The following DCC variants were observed in gnomAD, a reference collection of about 807,000 sequenced individuals.
The protein encoded by DCC is netrin receptor DCC.
Under a neutral mutation model 172.5 loss-of-function variants are expected in DCC, and 58 were observed. The ratio of observed to expected loss-of-function variants is 0.34; its 90% confidence interval spans 0.27 to 0.42. The LOEUF (loss-of-function observed/expected upper bound fraction) is 0.42. Ranked by LOEUF, DCC falls within the 10% of genes least tolerant of loss-of-function variation. DCC has a pLI of 1.00. For missense variants in DCC, 1,740 were observed against 1,791.0 expected (o/e 0.97, Z 0.51); for synonymous variants, 709 against 644.5 (o/e 1.10, Z -1.52).
chr18:52,715,276 AC>A (rs1276625707), intron 1 of DCC, among the ~76,000 whole-genome samples: 22 of 136,614 alleles, frequency 1.6e-4, no homozygotes, highest in Admixed American at 1.1e-3. Context: ...ATAAAAAAAA[AC>A]ACTACATTTT....
At chr18:52,673,105 G>C (rs2035583154) in intron 1 of DCC, among the ~76,000 whole-genome samples, 2 of 152,104 alleles carry the variant, frequency 1.3e-5, no homozygotes, top group African/African-American at 2.4e-5. Context: ...AGTGTATTTT[G>C]TATCTAGAGA....
chr18:53,317,899 G>T (rs1333360522), intron 13 of DCC, among the ~76,000 whole-genome samples: 2 of 151,730 alleles, frequency 1.3e-5, no homozygotes, highest in Non-Finnish European at 2.9e-5. Flanking sequence ...TCTGGCTAGT[G>T]GTCTATTTTG....
intron 7 of DCC, among the ~76,000 whole-genome samples, chr18:53,109,356 G>C (rs1221414794): frequency 6.6e-6 from 1 of 151,210 alleles, no homozygotes; most frequent in Non-Finnish European, 1.5e-5. Flanking sequence ...TATCTGGTAT[G>C]GTGATTCTTT....
At chr18:53,333,425 G>C (rs747118809) in intron 14 of DCC, among the ~76,000 whole-genome samples, 13 of 152,222 alleles carry the variant, frequency 8.5e-5, no homozygotes, top group Non-Finnish European at 1.9e-4. Context: ...GGACAAATGT[G>C]TGAATATTTG....
At chr18:52,751,274 T>C (rs73457792) in intron 1 of DCC, among the ~76,000 whole-genome samples, 16,433 of 152,222 alleles carry the variant, frequency 0.11, 2,955 homozygotes, top group African/African-American at 0.37. Context: ...TCAAATGCTA[T>C]ACTGCCAGCT....
At chr18:52,962,445 T>C (rs926971996) in intron 5 of DCC, among the ~76,000 whole-genome samples, 1 of 149,776 alleles carries the variant, frequency 6.7e-6, no homozygotes, top group Admixed American at 6.6e-5. Context: ...CATTAAAAAG[T>C]CAGGAAACAA....
chr18:53,252,901 T>A (rs2144661662), intron 12 of DCC, among the ~76,000 whole-genome samples: 1 of 152,134 alleles, frequency 6.6e-6, no homozygotes, highest in African/African-American at 2.4e-5. Flanking sequence ...GTAATTTTGC[T>A]TTAACAAAAT....
chr18:52,647,075 C>T (rs936252799), intron 1 of DCC, among the ~76,000 whole-genome samples: 1 of 152,160 alleles, frequency 6.6e-6, no homozygotes, highest in Non-Finnish European at 1.5e-5. Context: ...GGACAAAGCC[C>T]AAATACATGT....
chr18:53,239,727 G>T (rs567548914), intron 12 of DCC, among the ~76,000 whole-genome samples: 1 of 152,230 alleles, frequency 6.6e-6, no homozygotes, highest in African/African-American at 2.4e-5. Context: ...TCAGAGAATT[G>T]TGGGAAAAGA....
chr18:53,535,224 T>C lies in DCC; in HGVS notation c.*4571T>C, dbSNP rs2144652851. On this transcript the variant is annotated 3_prime_UTR_variant, in exon 29 of 29. Transcript: ENST00000442544. ...TTTATTATTTAGAGTGGCTTCTTTT[T>C]GGATAATTTATGATAAAAAGGGAGA... 1 of 152,312 alleles carries C rather than the reference T, an allele frequency of 6.6e-6. No homozygotes were observed. The highest frequency in any genetic ancestry group is 2.4e-5 in the African/African-American group (1 of 41,558). 9.4% of individuals were successfully genotyped at this position (152,312 alleles called of 1,614,324 possible).
intron 2 of DCC, among the ~76,000 whole-genome samples, chr18:52,877,087 A>G (rs1485234426): frequency 6.6e-6 from 1 of 152,146 alleles, no homozygotes; most frequent in African/African-American, 2.4e-5. Context: ...GATGACCTGT[A>G]TTTTATACTG....
intron 2 of DCC, among the ~76,000 whole-genome samples, chr18:52,890,900 A>G (rs2039639792): frequency 6.6e-6 from 1 of 152,112 alleles, no homozygotes. Context: ...AATTTAACAT[A>G]AATTCAGCTG....
chr18:52,365,956 C>T (rs182818184), intron 1 of DCC, among the ~76,000 whole-genome samples: 12 of 152,262 alleles, frequency 7.9e-5, no homozygotes, highest in East Asian at 7.7e-4. Flanking sequence ...AGGCTCTTAC[C>T]GCTTGATCAC....
chr18:53,450,612 G>T lies in DCC; in HGVS notation c.3342G>T (p.Val1114=). ...VTVGVITVLV[V]VIVAVICTRR... ...TTGGTGTCATCACAGTGCTGGTAGT[G>T]GTCATCGTGGCTGTGATTTGCACCC... Residue 1114 remains valine (V), a synonymous_variant, in exon 23 of 29, where the codon GTG becomes GTT. Coordinates refer to ENST00000442544, the MANE Select transcript of DCC (RefSeq NM_005215.4). 3 of 1,611,620 alleles carry T rather than the reference G, an allele frequency of 1.9e-6. No individual in the cohort carries two copies. Among genetic ancestry groups the T allele is most frequent in the Non-Finnish European group, 8.5e-7 (1 of 1,179,040 alleles).
intron 1 of DCC, among the ~76,000 whole-genome samples, chr18:52,368,938 AGTT>A (rs772746921): frequency 1.3e-4 from 20 of 152,310 alleles, no homozygotes; most frequent in South Asian, 4.2e-4. Flanking sequence ...TGCAAATCAA[AGTT>A]GTTGTTGATC....
chr18:53,404,246 G>A (rs1214120701), intron 19 of DCC, among the ~76,000 whole-genome samples: 2 of 131,824 alleles, frequency 1.5e-5, no homozygotes, highest in Non-Finnish European at 1.8e-5. Flanking sequence ...ATAAAAACAG[G>A]TTCTGATAGA....
intron 5 of DCC, among the ~76,000 whole-genome samples, chr18:53,050,627 A>G (rs1469460066): frequency 1.3e-5 from 2 of 152,078 alleles, no homozygotes; most frequent in African/African-American, 4.8e-5. Context: ...TTGATTTTGT[A>G]TCTTGAAACT....
chr18:53,302,242 G>A (rs1361855252), intron 12 of DCC, among the ~76,000 whole-genome samples: 1 of 151,838 alleles, frequency 6.6e-6, no homozygotes, highest in Non-Finnish European at 1.5e-5. Context: ...TATGACTCTT[G>A]GTGGTCAAAA....
intron 7 of DCC, among the ~76,000 whole-genome samples, chr18:53,123,645 TAG>T (rs920476629): frequency 5.6e-4 from 86 of 152,216 alleles, no homozygotes; most frequent in African/African-American, 1.9e-3. Context: ...TTTTCTGTTT[TAG>T]AATTTCTGCC....
Sources: gnomAD v4.1 joint callset for allele counts (sites outside exome capture counted in the v4.1 genomes callset) on GRCh38, gnomAD v4.1.1 for gene constraint, MANE v1.5 for transcripts, NCBI Gene and HGNC (gene_info 2026-07-23, HGNC 2026-07-21) for gene names.